PIGK: variants seen among roughly 807,000 people sequenced by gnomAD.
PIGK encodes GPI-anchor transamidase.
A neutral mutation model predicts 50.6 loss-of-function variants in PIGK; 42 were observed. The ratio of observed to expected loss-of-function variants is 0.83; its 90% CI spans 0.65 to 1.07. The LOEUF is 1.07. Among genes scored for constraint, PIGK ranks in the 50% least tolerant of loss-of-function variants. The probability of loss-of-function intolerance (pLI) is 0.00; values close to 1 mark genes in which losing one functional copy is unlikely to be tolerated. For missense variants in PIGK, 448 were observed against 488.7 expected, an observed-to-expected ratio of 0.92 and a Z score of 0.78; for synonymous variants, 151 against 156.0, an observed-to-expected ratio of 0.97 and a Z score of 0.24.
At chr1:77,102,564 A>G (rs1044334549) in intron 10 of PIGK, among the ~76,000 whole-genome samples, 15 of 152,120 alleles carry the variant, frequency 9.9e-5, no homozygotes, top group Non-Finnish European at 1.9e-4. Flanking sequence ...GAAGCTTGAT[A>G]AGGCAAGGAA....
At chr1:77,198,360 G>T (rs1261281610) in intron 3 of PIGK, among the ~76,000 whole-genome samples, 2 of 151,878 alleles carry the variant, frequency 1.3e-5, no homozygotes, top group African/African-American at 2.4e-5. Context: ...ATAAAATAAA[G>T]AATTTATCTG....
chr1:77,172,869 A>G (rs1655399147), intron 3 of PIGK, among the ~76,000 whole-genome samples: 1 of 152,176 alleles, frequency 6.6e-6, no homozygotes, highest in African/African-American at 2.4e-5. Flanking sequence ...GATTGCAATG[A>G]GCCGAGATCA....
chr1:77,138,141 G>A (rs1654564606), intron 9 of PIGK, among the ~76,000 whole-genome samples: 2 of 152,154 alleles, frequency 1.3e-5, no homozygotes, highest in African/African-American at 4.8e-5. Context: ...ATAAGGTTAT[G>A]TTATATGACA....
intron 8 of PIGK, among the ~76,000 whole-genome samples, chr1:77,156,243 C>T (rs1042821463): frequency 2.0e-5 from 3 of 152,022 alleles, no homozygotes; most frequent in Non-Finnish European, 4.4e-5. Flanking sequence ...TTCTTAGGTA[C>T]CAGCAGAAGA....
intron 9 of PIGK, among the ~76,000 whole-genome samples, chr1:77,150,296 T>A (rs572429263): frequency 1.3e-5 from 2 of 152,026 alleles, no homozygotes; most frequent in Non-Finnish European, 2.9e-5. Context: ...GGTGGGAGGA[T>A]CGTTTGAGCC....
At chr1:77,153,619 T>C (rs1419487940) in intron 9 of PIGK, 2 of 149,626 alleles carry the variant, frequency 1.3e-5, no homozygotes, top group Admixed American at 6.7e-5. Context: ...TATGTACAAA[T>C]ATTATACATC....
intron 3 of PIGK, among the ~76,000 whole-genome samples, chr1:77,199,856 T>C (rs2100581816): frequency 6.6e-6 from 1 of 152,262 alleles, no homozygotes; most frequent in East Asian, 1.9e-4. Context: ...ATTATTTTAA[T>C]ATACATTATC....
chr1:77,192,537 T>C (rs922670778), intron 3 of PIGK, among the ~76,000 whole-genome samples: 65 of 152,250 alleles, frequency 4.3e-4, no homozygotes, highest in African/African-American at 1.5e-3. Context: ...AAACTTCATT[T>C]TCAGGGAGTA....
intron 3 of PIGK, 38 bp downstream of exon 3, chr1:77,206,602 A>G (rs1338808296): frequency 4.7e-6 from 5 of 1,061,114 alleles, no homozygotes; most frequent in Non-Finnish European, 7.3e-6. Context: ...GGTTATTTTC[A>G]CTGAAGTTCA....
chr1:77,197,961 C>A (rs998148046), intron 3 of PIGK, among the ~76,000 whole-genome samples: 5 of 152,094 alleles, frequency 3.3e-5, no homozygotes, highest in African/African-American at 1.2e-4. Flanking sequence ...ATAGGTTCAC[C>A]TTATTAGGAA....
chr1:77,190,105 T>C (rs2100575258), intron 3 of PIGK, among the ~76,000 whole-genome samples: 1 of 151,964 alleles, frequency 6.6e-6, no homozygotes, highest in East Asian at 1.9e-4. Context: ...AAGCATTTAA[T>C]AGCCGGGCAT....
chr1:77,205,760 G>C (rs1656273471), intron 3 of PIGK, among the ~76,000 whole-genome samples: 1 of 152,080 alleles, frequency 6.6e-6, no homozygotes, highest in Non-Finnish European at 1.5e-5. Flanking sequence ...TCTTGCTATA[G>C]CTGCTTTGGT....
At position 77,161,709 on chromosome 1, in the gene PIGK, T is replaced by A; in HGVS notation, c.587A>T (p.Tyr196Phe). Reference protein sequence around the residue: ...AFEQMWQKRRYNELLFIIDTC... With the variant: ...AFEQMWQKRRFNELLFIIDTC... ...ATCAATAATAAACAGTAGCTCATTG[T>A]AGCTGAAAGAAAAATGATAACATCT... is the stretch of plus-strand genomic sequence containing the variant. Residue 196 changes from tyrosine (Y) to phenylalanine (F), a missense_variant and splice_region_variant, in exon 7 of 11, where the codon TAC becomes TTC. Transcript: ENST00000370812. 7.7e-7 allele frequency: 1 copy of A among 1,292,630 alleles called. No homozygotes were observed. The highest frequency in any genetic ancestry group is 1.1e-6 in the Non-Finnish European group (1 of 888,704). The allele number at this position is 1,292,630 out of a possible 1,614,324, so 80.1% of individuals were successfully genotyped here.
intron 10 of PIGK, among the ~76,000 whole-genome samples, chr1:77,099,040 T>C (rs758343147): frequency 6.6e-6 from 1 of 152,090 alleles, no homozygotes; most frequent in East Asian, 1.9e-4. Context: ...AGGATCTATA[T>C]TAAGGAATTC....
At chr1:77,209,706 T>A (rs1195038817) in intron 2 of PIGK, among the ~76,000 whole-genome samples, 1 of 152,026 alleles carries the variant, frequency 6.6e-6, no homozygotes, top group Non-Finnish European at 1.5e-5. Context: ...GAGGTTACAG[T>A]ACATTCACAA....
At chr1:77,215,945 C>A (rs535609593) in intron 1 of PIGK, among the ~76,000 whole-genome samples, 1 of 151,848 alleles carries the variant, frequency 6.6e-6, no homozygotes, top group East Asian at 1.9e-4. Context: ...AGGAAGGTGA[C>A]GGGGGGAGTA....
At chr1:77,135,647 AT>A (rs1654491624) in intron 9 of PIGK, among the ~76,000 whole-genome samples, 1 of 151,806 alleles carries the variant, frequency 6.6e-6, no homozygotes, top group Non-Finnish European at 1.5e-5. Context: ...CTTCTCATTG[AT>A]TTTTTAATTT....
At chr1:77,148,432 T>C (rs769702140) in intron 9 of PIGK, among the ~76,000 whole-genome samples, 1 of 152,214 alleles carries the variant, frequency 6.6e-6, no homozygotes, top group Non-Finnish European at 1.5e-5. Context: ...CTGGCTGTGA[T>C]ATTTAAAGTA....
In PIGK at chr1:77,219,394, G is replaced by T; in HGVS notation, c.9C>A (p.Val3=). Residue 3 remains valine (V), a synonymous_variant, in exon 1 of 11, where the codon GTC becomes GTA. Coordinates refer to ENST00000370812, the MANE Select transcript of PIGK (RefSeq NM_005482.3). Reference sequence around the variant, plus strand: ...TCGCAGCCCGGCTGAGGCTGTCGGTGACGGCCATGTTTACCGGCTTCAGAC... The same window carrying T: ...TCGCAGCCCGGCTGAGGCTGTCGGTTACGGCCATGTTTACCGGCTTCAGAC... The part of the protein sequence containing the change: MA[V]TDSLSRAATV... 6.2e-7 allele frequency: 1 copy of T among 1,613,450 alleles called. No homozygotes were observed. The highest frequency in any genetic ancestry group is 8.5e-7 in the Non-Finnish European group (1 of 1,179,662).
Sources: gnomAD v4.1 joint callset for allele counts (sites outside exome capture counted in the v4.1 genomes callset) on GRCh38, gnomAD v4.1.1 for gene constraint, MANE v1.5 for transcripts, NCBI Gene and HGNC (gene_info 2026-07-23, HGNC 2026-07-21) for gene names.